Variants in GARIN1A observed in about 807,000 individuals in gnomAD.
GARIN1A encodes the protein golgi associated RAB2 interactor 1A.
the GARIN1A span, among the ~76,000 whole-genome samples, chr7:128,681,670 T>C: frequency 2.0e-5 from 3 of 151,766 alleles, no homozygotes; most frequent in Non-Finnish European, 2.9e-5. Context: ...CCTGGCTAAT[T>C]TTTTAAATTT....
the GARIN1A span, among the ~76,000 whole-genome samples, chr7:128,681,482 T>G: frequency 1.1e-5 from 1 of 87,612 alleles, no homozygotes; most frequent in African/African-American, 4.2e-5. Context: ...CCTCTCCTCC[T>G]TTCCTCTGCT....
the GARIN1A span, among the ~76,000 whole-genome samples, chr7:128,707,220 ATGTGTG>A: frequency 5.2e-4 from 77 of 147,006 alleles, no homozygotes; most frequent in Middle Eastern, 3.4e-3. Context: ...GTGTGTATGT[ATGTGTG>A]TGTGTGTGTG....
the GARIN1A span, among the ~76,000 whole-genome samples, chr7:128,700,579 C>T: frequency 6.6e-6 from 1 of 152,086 alleles, no homozygotes; most frequent in African/African-American, 2.4e-5. Context: ...GGTGCCCGGC[C>T]TTAGTAAGGT....
chr7:128,703,598 G>C, the GARIN1A span, among the ~76,000 whole-genome samples: 8 of 152,166 alleles, frequency 5.3e-5, no homozygotes, highest in Non-Finnish European at 1.2e-4. Context: ...GCAACATAGA[G>C]AGATCCCGTC....
At chr7:128,682,214 ACT>A in the GARIN1A span, among the ~76,000 whole-genome samples, 2 of 151,294 alleles carry the variant, frequency 1.3e-5, no homozygotes, top group Non-Finnish European at 2.9e-5. Flanking sequence ...TTTACAAAGG[ACT>A]CTCTCCCCAC....
chr7:128,688,689 T>G, the GARIN1A span, among the ~76,000 whole-genome samples: 1 of 151,922 alleles, frequency 6.6e-6, no homozygotes, highest in Non-Finnish European at 1.5e-5. Context: ...CAGTTTCCTC[T>G]GAGTACCATT....
the GARIN1A span, chr7:128,672,686 G>A: frequency 7.0e-4 from 528 of 755,796 alleles, 13 homozygotes; most frequent in South Asian, 9.8e-3. Flanking sequence ...ACCAAAGCTA[G>A]AGAAAACCAG....
At chr7:128,672,413 G>C in the GARIN1A span, 1 of 1,608,330 alleles carries the variant, frequency 6.2e-7, no homozygotes, top group Admixed American at 1.7e-5. Context: ...TAAAATCAGG[G>C]GCCTCCCACC....
the GARIN1A span, among the ~76,000 whole-genome samples, chr7:128,705,690 G>A: frequency 9.2e-6 from 1 of 108,442 alleles, no homozygotes; most frequent in Non-Finnish European, 1.7e-5. Context: ...TTTGAGACAG[G>A]ATCTCACTCT....
chr7:128,687,320 A>C, the GARIN1A span: 20,927 of 152,204 alleles, frequency 0.14, 1,622 homozygotes, highest in African/African-American at 0.2. Context: ...TTTGGTTGCC[A>C]GTAAGAGAAG....
At chr7:128,687,026 G>A in the GARIN1A span, 1 of 152,176 alleles carries the variant, frequency 6.6e-6, no homozygotes, top group African/African-American at 2.4e-5. Context: ...CAAATTTCTT[G>A]TGGTTCCCTA....
chr7:128,701,164 C>T, the GARIN1A span, among the ~76,000 whole-genome samples: 280 of 151,156 alleles, frequency 1.9e-3, 6 homozygotes, highest in East Asian at 0.047. Flanking sequence ...GTAAGTGGAC[C>T]CTCAAAGTTC....
At chr7:128,701,411 A>G in the GARIN1A span, among the ~76,000 whole-genome samples, 1 of 6,504 alleles carries the variant, frequency 1.5e-4, no homozygotes, top group East Asian at 4.9e-3. Context: ...AGGGGAAGGG[A>G]AGGGGAGGAG....
At chr7:128,703,519 A>G in the GARIN1A span, among the ~76,000 whole-genome samples, 653 of 152,356 alleles carry the variant, frequency 4.3e-3, 4 homozygotes, top group African/African-American at 0.015. Flanking sequence ...GGCAGGGCAC[A>G]GTGGCTCATG....
chr7:128,692,730 G>A, the GARIN1A span, among the ~76,000 whole-genome samples: 3 of 152,174 alleles, frequency 2.0e-5, no homozygotes, highest in African/African-American at 7.2e-5. Flanking sequence ...AATAAGCAGC[G>A]GGTTAATTAG....
the GARIN1A span, chr7:128,677,897 GTTTC>G: frequency 8.6e-7 from 1 of 1,159,860 alleles, no homozygotes; most frequent in Non-Finnish European, 1.2e-6. Flanking sequence ...ATATAGACTT[GTTTC>G]CATGTCTTTT....
the GARIN1A span, among the ~76,000 whole-genome samples, chr7:128,688,166 C>T: frequency 6.6e-6 from 1 of 152,216 alleles, no homozygotes; most frequent in Non-Finnish European, 1.5e-5. Context: ...CACGCGCCAC[C>T]ACATCCAGCT....
the GARIN1A span, among the ~76,000 whole-genome samples, chr7:128,674,736 C>T: frequency 6.6e-6 from 1 of 152,056 alleles, no homozygotes; most frequent in East Asian, 1.9e-4. Flanking sequence ...TTCAGTCATC[C>T]CTGGGGCTTT....
the GARIN1A span, among the ~76,000 whole-genome samples, chr7:128,700,864 A>C: frequency 6.6e-6 from 1 of 152,174 alleles, no homozygotes; most frequent in Non-Finnish European, 1.5e-5. Context: ...CACTACCTAC[A>C]CATTTTAAGT....
Sources: gnomAD v4.1 joint callset for allele counts (sites outside exome capture counted in the v4.1 genomes callset) on GRCh38, gnomAD v4.1.1 for gene constraint, MANE v1.5 for transcripts, NCBI Gene and HGNC (gene_info 2026-07-23, HGNC 2026-07-21) for gene names.